CREBL2: variants seen among roughly 807,000 people sequenced by gnomAD.
CREBL2 encodes the protein cAMP responsive element binding protein like 2.
Under a neutral mutation model 19.5 loss-of-function variants are expected in CREBL2, and 4 were observed. The ratio of observed to expected loss-of-function variants is 0.20; its 90% CI spans 0.10 to 0.47. CREBL2 has a LOEUF of 0.47. CREBL2 is among the 20% of genes least tolerant of loss of function. CREBL2 has a pLI of 0.98. For missense variants in CREBL2, 85 were observed against 145.1 expected (o/e 0.59, Z 2.13); for synonymous variants, 42 against 46.6 (o/e 0.90, Z 0.40).
chr12:12,621,419 G>GAGT (rs1227259252), intron 1 of CREBL2, among the ~76,000 whole-genome samples: 1 of 151,624 alleles, frequency 6.6e-6, no homozygotes, highest in Non-Finnish European at 1.5e-5. Flanking sequence ...TCGGGAGGCT[G>GAGT]AGGCAGGAGA....
At position 12,635,803 on chromosome 12, in the gene CREBL2, C is replaced by T. The variant is rs142280282; in HGVS notation, c.42C>T (p.Pro14=). Reference sequence around the variant, plus strand: ...TGGTTGGAGGCAAAGTAAAGAAGCCCGGTAAACGTGGTCGGAAGCCAGCCA... The same window carrying T: ...TGGTTGGAGGCAAAGTAAAGAAGCCTGGTAAACGTGGTCGGAAGCCAGCCA... ...SKVVGGKVKK[P]GKRGRKPAKI... The change falls in exon 2 of 4, where the codon CCC becomes CCT. Residue 14 remains proline (P), a synonymous_variant. Coordinates refer to ENST00000228865, the MANE Select transcript of CREBL2 (RefSeq NM_001310.4). 382 of 1,612,270 alleles carry T rather than the reference C, an allele frequency of 2.4e-4. 1 individual carries two copies. In the African/African-American group the frequency reaches 3.6e-3, roughly 15 times the overall value.
At chr12:12,632,788 T>C (rs1945450448) in intron 1 of CREBL2, among the ~76,000 whole-genome samples, 1 of 152,024 alleles carries the variant, frequency 6.6e-6, no homozygotes, top group Admixed American at 6.5e-5. Flanking sequence ...ATGTGATTGA[T>C]GAGATATAAG....
chr12:12,619,303 C>G (rs1945341984), intron 1 of CREBL2, among the ~76,000 whole-genome samples: 1 of 152,062 alleles, frequency 6.6e-6, no homozygotes, highest in African/African-American at 2.4e-5. Context: ...GGAAAAAGTG[C>G]TTGTTTTTAT....
In CREBL2 at chr12:12,612,136, G is replaced by C. The variant is rs202212225; in HGVS notation, c.-37G>C. On this transcript the variant is annotated 5_prime_UTR_variant, in exon 1 of 4. Coordinates refer to ENST00000228865, the MANE Select transcript of CREBL2 (RefSeq NM_001310.4). ...CCGGCTGAGCCGGGGGAGGGCTCCG[G>C]GAGGGAGTGCCTGGCCAGGCCGGCC... 6.2e-7 allele frequency: 1 copy of C among 1,609,688 alleles called. No homozygotes were observed. The highest frequency in any genetic ancestry group is 1.1e-5 in the South Asian group (1 of 91,080).
At chr12:12,630,859 T>C (rs775736145) in intron 1 of CREBL2, among the ~76,000 whole-genome samples, 8 of 152,264 alleles carry the variant, frequency 5.3e-5, no homozygotes, top group Admixed American at 3.3e-4. Context: ...TGCCATCTAT[T>C]TTCCTCAAAG....
At chr12:12,637,784 T>G in intron 3 of CREBL2, 70 bp downstream of exon 3, 1 of 1,467,804 alleles carries the variant, frequency 6.8e-7, no homozygotes. Flanking sequence ...CTCATGACTG[T>G]AATCCTAGCA....
chr12:12,639,504 T>C (rs548018112), intron 3 of CREBL2, among the ~76,000 whole-genome samples: 1 of 152,196 alleles, frequency 6.6e-6, no homozygotes, highest in Non-Finnish European at 1.5e-5. Context: ...GGGTATGGAG[T>C]GGTATCTCAT....
intron 1 of CREBL2, among the ~76,000 whole-genome samples, chr12:12,619,426 C>G (rs999875894): frequency 6.6e-6 from 1 of 152,128 alleles, no homozygotes; most frequent in East Asian, 1.9e-4. Flanking sequence ...CGCAACATGG[C>G]GAAACCCCAT....
intron 1 of CREBL2, among the ~76,000 whole-genome samples, chr12:12,634,938 C>G (rs1426074171): frequency 6.6e-6 from 1 of 151,808 alleles, no homozygotes; most frequent in African/African-American, 2.4e-5. Context: ...TGATGCTCAC[C>G]TGTAGACCCA....
chr12:12,639,387 A>G (rs1945500615), intron 3 of CREBL2, among the ~76,000 whole-genome samples: 1 of 152,160 alleles, frequency 6.6e-6, no homozygotes, highest in African/African-American at 2.4e-5. Context: ...ACTGTTTTCC[A>G]CAGTACCTGA....
intron 1 of CREBL2, among the ~76,000 whole-genome samples, chr12:12,630,201 G>C (rs1006003421): frequency 7.2e-5 from 11 of 152,106 alleles, no homozygotes; most frequent in Non-Finnish European, 1.6e-4. Context: ...GAATTCATTA[G>C]TGAAGTCATG....
intron 1 of CREBL2, among the ~76,000 whole-genome samples, chr12:12,618,269 C>G (rs547444058): frequency 1.3e-3 from 199 of 148,160 alleles, no homozygotes; most frequent in African/African-American, 5.1e-3. Context: ...TCCTCACTTC[C>G]CAGACGGGGC....
At chr12:12,616,874 G>A (rs1945315564) in intron 1 of CREBL2, among the ~76,000 whole-genome samples, 2 of 152,180 alleles carry the variant, frequency 1.3e-5, no homozygotes, top group South Asian at 4.1e-4. Context: ...ATGATAAACT[G>A]GCTGACAGCA....
chr12:12,617,643 CTTTTTTTTTTTTTTTTTTT>C lies in CREBL2; in HGVS notation c.15+5476_15+5494del, dbSNP rs66943066. Among the ~76,000 whole-genome samples, 286 of 38,760 alleles carry C rather than the reference CTTTTTTTTTTTTTTTTTTT, an allele frequency of 7.4e-3. 1 individual carries two copies. Among genetic ancestry groups the C allele is most frequent in the African/African-American group, 0.016 (192 of 12,264 alleles). 25.4% of individuals were successfully genotyped at this position (38,760 alleles called of 152,430 possible). ...CCCTGAGATGCTCATTTTAGTAATT[CTTTTTTTTTTTTTTTTTTT>C]TTTTTTTTTTTTTTTTTTTAGTATT... is the stretch of plus-strand genomic sequence containing the variant. On this transcript the variant is annotated intron_variant, in intron 1 of 3. Transcript: ENST00000228865.
chr12:12,643,108 G>A lies in CREBL2; in HGVS notation c.*1110G>A, dbSNP rs567484445. On this transcript the variant is annotated 3_prime_UTR_variant, in exon 4 of 4. Transcript: ENST00000228865. ...TCTGAGCCAGAAACACACTGTGGGC[G>A]TGCATCTGGTTCAGCCCTGGATATG... The A allele has an allele frequency of 5.2e-5, 8 of 152,740 alleles. No individual in the cohort carries two copies. The South Asian group carries it at 8.3e-4, about 16-fold the overall frequency. 9.5% of individuals were successfully genotyped at this position (152,740 alleles called of 1,614,324 possible).
intron 1 of CREBL2, among the ~76,000 whole-genome samples, chr12:12,634,529 T>G (rs1298006645): frequency 1.3e-5 from 2 of 152,180 alleles, no homozygotes; most frequent in Non-Finnish European, 2.9e-5. Flanking sequence ...TGTATATATA[T>G]ACGATTTTAT....
At chr12:12,635,065 C>CA (rs1383927308) in intron 1 of CREBL2, among the ~76,000 whole-genome samples, 1 of 150,460 alleles carries the variant, frequency 6.6e-6, no homozygotes, top group African/African-American at 2.4e-5. Context: ...GAACCTGTCT[C>CA]AAAAAAAGAA....
intron 1 of CREBL2, among the ~76,000 whole-genome samples, chr12:12,631,014 A>G (rs1000818781): frequency 6.6e-6 from 1 of 152,250 alleles, no homozygotes; most frequent in Admixed American, 6.5e-5. Flanking sequence ...GCTTACTTTG[A>G]AAAAGTCATG....
intron 1 of CREBL2, among the ~76,000 whole-genome samples, chr12:12,633,472 C>T (rs746837731): frequency 6.6e-6 from 1 of 152,052 alleles, no homozygotes; most frequent in Non-Finnish European, 1.5e-5. Flanking sequence ...GACGATGATG[C>T]AGAAGAGAAA....
Sources: allele counts gnomAD v4.1 joint callset (sites outside exome capture counted in the v4.1 genomes callset), GRCh38; gene constraint gnomAD v4.1.1; transcripts MANE v1.5; gene names NCBI Gene and HGNC (gene_info 2026-07-23, HGNC 2026-07-21).